Variants in SORBS3 observed in about 807,000 individuals in gnomAD.
The protein encoded by SORBS3 is sorbin and SH3 domain containing 3, also known as vinexin.
SORBS3 carries 69 observed loss-of-function variants against 98.0 expected under a neutral mutation model. The observed-to-expected ratio is 0.70, with a 90% CI of 0.58 to 0.86. The LOEUF (loss-of-function observed/expected upper bound fraction) is 0.86. Among genes scored for constraint, SORBS3 ranks in the 40% least tolerant of loss-of-function variants. The pLI is 0.00. For missense variants in SORBS3, 954 were observed against 908.5 expected, an observed-to-expected ratio of 1.05 and a Z score of -0.64; for synonymous variants, 394 against 355.4, an observed-to-expected ratio of 1.11 and a Z score of -1.22.
intron 7 of SORBS3, 140 bp from the exon 8 acceptor site, chr8:22,563,847 G>A: frequency 1.5e-6 from 1 of 661,156 alleles, no homozygotes; most frequent in Non-Finnish European, 2.7e-6. Flanking sequence ...GTTTAATCTT[G>A]CTTCCAGAGT....
At chr8:22,560,866 TGTGTGTGC>T (rs764762252) in intron 5 of SORBS3, 11,345 of 112,902 alleles carry the variant, frequency 0.1, 871 homozygotes, top group African/African-American at 0.28. Context: ...TGTGTGTGTG[TGTGTGTGC>T]GCGCGCGCAC....
chr8:22,566,839 C>T lies in SORBS3; in HGVS notation c.1161C>T (p.Leu387=). 1 of 1,613,466 alleles carries T rather than the reference C, an allele frequency of 6.2e-7. No individual in the cohort carries two copies. Among genetic ancestry groups the T allele is most frequent in the Non-Finnish European group, 8.5e-7 (1 of 1,179,694 alleles). ...REEKKRKAAR[L]KFDFQAQSPK... is the part of the protein sequence containing the mutation. ...CTGCCTAGAGAAAGGCCGCCAGGCT[C>T]AAGTTTGACTTCCAGGCGCAGTCCC... Residue 387 remains leucine, a synonymous_variant, in exon 15 of 21, where the codon CTC becomes CTT. Coordinates refer to ENST00000240123, the MANE Select transcript of SORBS3 (RefSeq NM_005775.5).
rs769580470 is a variant in SORBS3 at position 22,574,854 on chromosome 8, C to T, written c.*126C>T. The T allele has an allele frequency of 5.4e-6, 5 of 926,628 alleles. No homozygotes were observed. The East Asian group carries it at 1.2e-4, about 23-fold the overall frequency. 57.4% of individuals were successfully genotyped at this position (926,628 alleles called of 1,614,324 possible). ...CTGAGCTCCCAGCATCTGCAGACGA[C>T]CCCCGCAGCCTTTCCCTCGGACCCC... is the stretch of plus-strand genomic sequence containing the variant. On this transcript the variant is annotated 3_prime_UTR_variant, in exon 21 of 21. Coordinates refer to ENST00000240123, the MANE Select transcript of SORBS3 (RefSeq NM_005775.5).
chr8:22,563,941 A>G (rs1450118843), intron 7 of SORBS3, 46 bp from the exon 8 acceptor site: 4 of 1,463,354 alleles, frequency 2.7e-6, no homozygotes, highest in Non-Finnish European at 3.8e-6. Context: ...CTTCTGCCTC[A>G]GTCTCCCTAA....
At chr8:22,547,304 T>G (rs1327539391), upstream of SORBS3, among the ~76,000 whole-genome samples, 1 of 150,096 alleles carries the variant, frequency 6.7e-6, no homozygotes. Flanking sequence ...TGTTGCCTGC[T>G]GCATGTAATT....
In SORBS3 at chr8:22,575,543, TCTAGGA is replaced by T. The variant is rs1400157927; in HGVS notation, c.*816_*821del. 15 of 153,146 alleles carry T rather than the reference TCTAGGA, an allele frequency of 9.8e-5. No individual in the cohort carries two copies. The South Asian group carries it at 3.0e-3, about 31-fold the overall frequency. 9.5% of individuals were successfully genotyped at this position (153,146 alleles called of 1,614,324 possible). A position where few individuals can be genotyped will look rare whatever the true frequency, so the allele number is the denominator to read the frequency against. ...TTGGGGTAGGGGATGCCTCCTCCTG[TCTAGGA>T]GATGGGAATTCCTTCTGTGGAGGGC... On this transcript the variant is annotated 3_prime_UTR_variant, in exon 21 of 21. Transcript: ENST00000240123.
chr8:22,565,968 G>T, intron 12 of SORBS3, 96 bp downstream of exon 12: 3 of 847,528 alleles, frequency 3.5e-6, no homozygotes, highest in Non-Finnish European at 4.7e-6. Context: ...GCGATCGCGG[G>T]GCCCAGCCGG....
Position 22,564,505 on chromosome 8 carries a change from C to G in SORBS3, c.800C>G (p.Pro267Arg). ...KPLVDDPGEK[P>R]SQPIEVLLER... is the part of the protein sequence containing the mutation. ...CTGGTGGACGACCCTGGTGAGAAGC[C>G]CTCCCAGCCCATTGAGGTGAGTGCT... is the stretch of plus-strand genomic sequence containing the variant. Residue 267 changes from proline (P) to arginine (R), a missense_variant, in exon 10 of 21, where the codon CCC (proline) becomes CGC (arginine). By Grantham distance (103) the Pro-to-Arg change is moderately radical. Transcript: ENST00000240123. 2 of 1,614,050 alleles carry G rather than the reference C, an allele frequency of 1.2e-6. No individual in the cohort carries two copies. The highest frequency in any genetic ancestry group is 1.7e-6 in the Non-Finnish European group (2 of 1,180,018).
Position 22,566,355 on chromosome 8 carries a change from G to A in SORBS3, c.961G>A (p.Ala321Thr), listed in dbSNP as rs200731699. 4.3e-6 allele frequency: 7 copies of A among 1,613,556 alleles called. No homozygotes were observed. Among genetic ancestry groups the A allele is most frequent in the Non-Finnish European group, 3.4e-6 (4 of 1,179,860 alleles). The change falls in exon 13 of 21, where the codon GCC becomes ACC. Residue 321 changes from alanine to threonine, a missense_variant. Physicochemically the swap from Ala to Thr is moderately conservative, Grantham distance 58 (BLOSUM62 0). Coordinates refer to ENST00000240123, the MANE Select transcript of SORBS3 (RefSeq NM_005775.5). The stretch of plus-strand genomic sequence containing the variant: ...CTGTGCCCCGTGCAGCCCGGCCTCA[G>A]CCTGGAGCTCCAGCTACCCACATGC... ...EQRPPAGPAS[A>T]WSSSYPHAPY... is the part of the protein sequence containing the mutation.
chr8:22,547,263 C>T (rs1318855569), upstream of SORBS3, among the ~76,000 whole-genome samples: 2 of 151,198 alleles, frequency 1.3e-5, no homozygotes, highest in Admixed American at 6.6e-5. Context: ...TCATATTAAC[C>T]TGTTGCTCCA....
At chr8:22,573,366 T>C (rs1332323986) in intron 20 of SORBS3, 2 of 456,224 alleles carry the variant, frequency 4.4e-6, no homozygotes, top group South Asian at 3.1e-5. Context: ...AGTACCACTT[T>C]TGTATTAGGA....
rs1840154004 is a variant in SORBS3, at chr8:22,554,803, G to C, written c.103-60G>C. On this transcript the variant is annotated intron_variant, in intron 2 of 20. Coordinates refer to ENST00000240123, the MANE Select transcript of SORBS3 (RefSeq NM_005775.5). The surrounding 1 kb of genome is among the most constrained non-coding windows in gnomAD (Gnocchi z 6.5). ...CGAGGGGTGTGGGCTGTGCCTAGTA[G>C]CCATCCCTCCCTCCCGCCCTGCTGG... 6.9e-7 allele frequency: 1 copy of C among 1,458,094 alleles called. No homozygotes were observed. The highest frequency in any genetic ancestry group is 9.5e-7 in the Non-Finnish European group (1 of 1,049,272). The allele number at this position is 1,458,094 out of a possible 1,614,324, so 90.3% of individuals were successfully genotyped here.
At chr8:22,574,045 TG>T (rs1586911478) in intron 20 of SORBS3, among the ~76,000 whole-genome samples, 1 of 152,106 alleles carries the variant, frequency 6.6e-6, no homozygotes, top group East Asian at 1.9e-4. Context: ...TCAGTGACCC[TG>T]GGGTGGTGCC....
Position 22,567,057 on chromosome 8 carries a change from G to A in SORBS3, c.1191-4G>A. 6.2e-7 allele frequency: 1 copy of A among 1,611,410 alleles called. No individual in the cohort carries two copies. Among genetic ancestry groups the A allele is most frequent in the Non-Finnish European group, 8.5e-7 (1 of 1,178,334 alleles). ...TACCCTGCGGTCCTCGTCCCCACCT[G>A]CAGGGAGCTGACTCTGCAGAAGGGT... On this transcript the variant is annotated splice_polypyrimidine_tract_variant and splice_region_variant and intron_variant, in intron 15 of 20. Coordinates refer to ENST00000240123, the MANE Select transcript of SORBS3 (RefSeq NM_005775.5).
intron 10 of SORBS3, 74 bp from the exon 11 acceptor site, chr8:22,565,194 A>G (rs1840379635): frequency 1.3e-6 from 2 of 1,493,976 alleles, no homozygotes; most frequent in Admixed American, 2.0e-5. Flanking sequence ...TGCTTTTCAC[A>G]GTCGATCTTT....
chr8:22,562,932 T>A lies in SORBS3; in HGVS notation c.584+1001T>A, dbSNP rs202112448. Among the ~76,000 whole-genome samples the A allele has an allele frequency of 2.5e-4, 38 of 152,226 alleles. No individual in the cohort carries two copies. The East Asian group carries it at 6.6e-3, about 26-fold the overall frequency. On this transcript the variant is annotated intron_variant, in intron 7 of 20. Coordinates refer to ENST00000240123, the MANE Select transcript of SORBS3 (RefSeq NM_005775.5). The stretch of plus-strand genomic sequence containing the variant: ...GAGATCGAGACCATCCTGGCTAACA[T>A]GGTGAAACCCCGTCTCTACTAAAAA...
At chr8:22,568,007 C>T (rs1343231968) in intron 16 of SORBS3, among the ~76,000 whole-genome samples, 1 of 151,888 alleles carries the variant, frequency 6.6e-6, no homozygotes, top group African/African-American at 2.4e-5. Context: ...GCCACCACGC[C>T]CAGATAATTT....
rs1251932236 is a variant in SORBS3 at position 22,554,988 on chromosome 8, T to C, written c.220+8T>C. 7.5e-6 allele frequency: 12 copies of C among 1,609,330 alleles called. No homozygotes were observed. The highest frequency in any genetic ancestry group is 9.3e-6 in the Non-Finnish European group (11 of 1,176,480). ...ATGCTTCCCAGCACCCGGGTAGGTC[T>C]GCTCAGGAGCCTCATGCTGGAGATG... On this transcript the variant is annotated splice_region_variant and intron_variant, in intron 3 of 20. Transcript: ENST00000240123. This position sits in a 1 kb window ranked among gnomAD's most constrained non-coding sequence, Gnocchi z 6.5.
intron 12 of SORBS3, 176 bp downstream of exon 12, chr8:22,566,048 G>A (rs1177190078): frequency 3.5e-6 from 2 of 564,908 alleles, no homozygotes; most frequent in Non-Finnish European, 5.3e-6. Context: ...CGCCGTTCCC[G>A]CGCCACCGAG....
Sources: gnomAD v4.1 joint callset for allele counts (sites outside exome capture counted in the v4.1 genomes callset) on GRCh38, gnomAD v4.1.1 for gene constraint, Gnocchi (gnomAD v3.1) non-coding constraint, MANE v1.5 for transcripts, NCBI Gene and HGNC (gene_info 2026-07-23, HGNC 2026-07-21) for gene names.